ATP11A: variants seen among roughly 807,000 people sequenced by gnomAD.
ATP11A encodes the protein ATPase phospholipid transporting 11A.
In ATP11A, 81 loss-of-function variants were observed where a neutral mutation model predicts 154.4. The ratio of observed to expected loss-of-function variants is 0.52; its 90% confidence interval spans 0.44 to 0.63. The LOEUF (loss-of-function observed/expected upper bound fraction) is 0.63, where lower values mean the gene tolerates loss of function less well. ATP11A is among the 30% of genes least tolerant of loss of function. The probability of loss-of-function intolerance (pLI) is 0.00; values close to 1 mark genes in which losing one functional copy is unlikely to be tolerated. For missense variants in ATP11A, 1,316 were observed against 1,474.3 expected (o/e 0.89, Z 1.76); for synonymous variants, 623 against 585.9 (o/e 1.06, Z -0.91).
chr13:112,776,691 G>T (rs566193350), intron 1 of ATP11A, among the ~76,000 whole-genome samples: 47 of 152,314 alleles, frequency 3.1e-4, no homozygotes, highest in Middle Eastern at 3.4e-3. Context: ...CACCTCCCAG[G>T]TTCAAGCCAT....
At chr13:112,727,830 C>T (rs756017504) in intron 1 of ATP11A, among the ~76,000 whole-genome samples, 8 of 152,222 alleles carry the variant, frequency 5.3e-5, no homozygotes, top group Non-Finnish European at 8.8e-5. Flanking sequence ...TCGGGGACTC[C>T]GGCGCTGGGC....
Position 112,753,863 on chromosome 13 carries a change from A to G in ATP11A, c.40-31272A>G, listed in dbSNP as rs542247571. Among the ~76,000 whole-genome samples the G allele has an allele frequency of 6.6e-6, 1 of 152,228 alleles. No homozygotes were observed. The highest frequency in any genetic ancestry group is 1.5e-5 in the Non-Finnish European group (1 of 68,046). ...GTTAGAAGCGCTTTTTCCAAAATGC[A>G]ATGTAGAGTTATTTAAATTTAAAAA... On this transcript the variant is annotated intron_variant, in intron 1 of 29. Transcript: ENST00000375645. The surrounding 1 kb of genome is among the most constrained non-coding windows in gnomAD (Gnocchi z 4.1).
intron 1 of ATP11A, among the ~76,000 whole-genome samples, chr13:112,756,729 C>T (rs1295050383): frequency 6.6e-6 from 1 of 152,218 alleles, no homozygotes; most frequent in Non-Finnish European, 1.5e-5. Context: ...GCACGGCCCT[C>T]TGCACCCCAG....
At chr13:112,786,642 T>C (rs61963785) in intron 2 of ATP11A, among the ~76,000 whole-genome samples, 9,532 of 131,876 alleles carry the variant, frequency 0.072, 339 homozygotes, top group African/African-American at 0.17. Context: ...GGGTAAACTG[T>C]GCTTTCCAGG....
At chr13:112,782,270 G>C (rs957917368) in intron 1 of ATP11A, among the ~76,000 whole-genome samples, 1 of 152,148 alleles carries the variant, frequency 6.6e-6, no homozygotes, top group South Asian at 2.1e-4. Flanking sequence ...GCGTGGGCTC[G>C]CTGTGGCATG....
In ATP11A at chr13:112,859,093, A is replaced by G. The variant is rs1317529738; in HGVS notation, c.2668-300A>G. 2.9e-6 allele frequency: 1 copy of G among 339,080 alleles called. No individual in the cohort carries two copies. The highest frequency in any genetic ancestry group is 5.6e-6 in the Non-Finnish European group (1 of 179,526). 21.0% of individuals were successfully genotyped at this position (339,080 alleles called of 1,614,324 possible). ...GGAAATGTTTGAGGAAGGATTCCTT[A>G]TTCACTGTGCAGTTCGATTCTTTCC... On this transcript the variant is annotated intron_variant, in intron 22 of 29. Transcript: ENST00000375645. The surrounding 1 kb of genome is among the most constrained non-coding windows in gnomAD (Gnocchi z 4.3).
chr13:112,785,155 G>A lies in ATP11A; in HGVS notation c.60G>A (p.Trp20Ter). The change falls in exon 2 of 30, where the codon TGG (tryptophan) becomes TGA (stop). Residue 20 changes from tryptophan to a stop codon, truncating the protein, a stop_gained. Transcript: ENST00000375645. LOFTEE classifies it high-confidence loss of function. The surrounding 1 kb of genome is among the most constrained non-coding windows in gnomAD (Gnocchi z 4.8). ...CGCAGTGTGCAGGAGAAGAGAATTG[G>A]GTGGACAGCAGGACCATCTACGTGG... ...VHRYCAGEEN[W>*]VDSRTIYVGH... 6.4e-7 allele frequency: 1 copy of A among 1,560,662 alleles called. No individual in the cohort carries two copies. The highest frequency in any genetic ancestry group is 8.7e-7 in the Non-Finnish European group (1 of 1,154,736).
chr13:112,837,661 C>T (rs1337373722), intron 16 of ATP11A, among the ~76,000 whole-genome samples: 1 of 133,826 alleles, frequency 7.5e-6, no homozygotes, highest in East Asian at 2.1e-4. Flanking sequence ...TGGCAAACAA[C>T]CAAACAGCCA....
In ATP11A at chr13:112,877,251, C is replaced by T. The variant is rs182878681; in HGVS notation, c.3328-966C>T. On this transcript the variant is annotated intron_variant, in intron 28 of 29. Coordinates refer to ENST00000375645, the MANE Select transcript of ATP11A (RefSeq NM_015205.3). The stretch of plus-strand genomic sequence containing the variant: ...GGAGCCGGGGCCCTGGCTGAGACTC[C>T]GCGGCCCCCAGTGCTTCAGGGGAAA... Among the ~76,000 whole-genome samples the T allele has an allele frequency of 3.9e-4, 60 of 152,304 alleles. No homozygotes were observed. In the East Asian group the frequency reaches 6.4e-3, roughly 16 times the overall value.
At chr13:112,796,944 A>G (rs1341279490) in intron 2 of ATP11A, among the ~76,000 whole-genome samples, 1 of 152,126 alleles carries the variant, frequency 6.6e-6, no homozygotes, top group African/African-American at 2.4e-5. Flanking sequence ...GTGAAGAAAC[A>G]GAACAGAACT....
intron 1 of ATP11A, among the ~76,000 whole-genome samples, chr13:112,711,296 ATTAC>A (rs915464671): frequency 6.6e-6 from 1 of 152,262 alleles, no homozygotes; most frequent in African/African-American, 2.4e-5. Context: ...ATTGTCCCAA[ATTAC>A]TTGTTAAAAC....
chr13:112,794,311 C>T (rs772356054), intron 2 of ATP11A, among the ~76,000 whole-genome samples: 7 of 152,190 alleles, frequency 4.6e-5, no homozygotes, highest in Non-Finnish European at 2.9e-5. Flanking sequence ...GGATAACTGT[C>T]CACCATTGTC....
chr13:112,790,481 CTTAAT>C (rs2077819227), intron 2 of ATP11A, among the ~76,000 whole-genome samples: 1 of 148,004 alleles, frequency 6.8e-6, no homozygotes, highest in African/African-American at 2.6e-5. Flanking sequence ...TGGAGACCTA[CTTAAT>C]TCACACCGGG....
At chr13:112,766,660 A>C (rs879945612) in intron 1 of ATP11A, among the ~76,000 whole-genome samples, 3 of 151,326 alleles carry the variant, frequency 2.0e-5, no homozygotes, top group Non-Finnish European at 4.4e-5. Flanking sequence ...GCTTCTGCCC[A>C]CCCCCCAGGA....
chr13:112,793,403 T>C (rs903166910), intron 2 of ATP11A, among the ~76,000 whole-genome samples: 4 of 152,196 alleles, frequency 2.6e-5, no homozygotes, highest in African/African-American at 9.6e-5. Context: ...GGTTTTGCCA[T>C]TGTTGGCCAG....
intron 15 of ATP11A, 59 bp from the exon 16 acceptor site, chr13:112,836,119 C>A: frequency 7.8e-7 from 1 of 1,277,112 alleles, no homozygotes; most frequent in South Asian, 1.3e-5. Flanking sequence ...CCACAGTTAC[C>A]AGATGGAATC....
intron 12 of ATP11A, among the ~76,000 whole-genome samples, chr13:112,830,299 G>A (rs2079051519): frequency 6.6e-6 from 1 of 152,154 alleles, no homozygotes; most frequent in Non-Finnish European, 1.5e-5. Context: ...TTAGGGCCAG[G>A]CACAGTGGCT....
At chr13:112,767,214 G>A (rs554171854) in intron 1 of ATP11A, among the ~76,000 whole-genome samples, 1 of 3,052 alleles carries the variant, frequency 3.3e-4, no homozygotes, top group Non-Finnish European at 4.3e-4. Context: ...GCCCCTGTGG[G>A]AAGGTGGGGA....
At chr13:112,791,046 A>G (rs1414573262) in intron 2 of ATP11A, among the ~76,000 whole-genome samples, 1 of 152,246 alleles carries the variant, frequency 6.6e-6, no homozygotes, top group Non-Finnish European at 1.5e-5. Flanking sequence ...CAGTGGTAAT[A>G]CTTACAAAGT....
Sources: gnomAD v4.1 joint callset for allele counts (sites outside exome capture counted in the v4.1 genomes callset) on GRCh38, gnomAD v4.1.1 for gene constraint, Gnocchi (gnomAD v3.1) non-coding constraint, MANE v1.5 for transcripts, NCBI Gene and HGNC (gene_info 2026-07-23, HGNC 2026-07-21) for gene names.